COL5A1: variants seen among roughly 807,000 people sequenced by gnomAD.
The protein encoded by COL5A1 is collagen alpha-1(V) chain.
In COL5A1, 16 loss-of-function variants were observed where a neutral mutation model predicts 263.7. That is an observed-to-expected ratio of 0.06 (90% confidence interval 0.04 to 0.09). COL5A1 has a LOEUF of 0.09. Ranked by LOEUF, COL5A1 falls within the 10% of genes least tolerant of loss-of-function variation. COL5A1 has a pLI of 1.00. For missense variants in COL5A1, 2,036 were observed against 2,540.5 expected (o/e 0.80, Z 4.27); for synonymous variants, 1,012 against 1,004.5 (o/e 1.01, Z -0.14).
chr9:134,703,504 T>C (rs1004902446), intron 4 of COL5A1, among the ~76,000 whole-genome samples: 1 of 152,134 alleles, frequency 6.6e-6, no homozygotes. Flanking sequence ...TAAGGCTACC[T>C]GCACAGCTGC....
chr9:134,658,689 C>G (rs574664636), intron 1 of COL5A1, among the ~76,000 whole-genome samples: 3 of 151,966 alleles, frequency 2.0e-5, no homozygotes, highest in Admixed American at 6.5e-5. Flanking sequence ...GTACCCTGCC[C>G]GGCTTCTGTC....
At chr9:134,824,950 GGAA>G (rs1564487470) in intron 62 of COL5A1, 95 bp downstream of exon 62, 65 of 1,476,912 alleles carry the variant, frequency 4.4e-5, no homozygotes, top group Non-Finnish European at 5.8e-5. Context: ...CAGGCACAGC[GGAA>G]GGGACAGGAC....
chr9:134,736,528 G>A (rs779202233), intron 9 of COL5A1, among the ~76,000 whole-genome samples: 12 of 152,170 alleles, frequency 7.9e-5, no homozygotes, highest in Admixed American at 2.6e-4. Flanking sequence ...CTCTCAACAC[G>A]GTTGCATTGA....
intron 4 of COL5A1, among the ~76,000 whole-genome samples, chr9:134,720,146 C>T (rs975561751): frequency 2.0e-5 from 3 of 152,186 alleles, no homozygotes; most frequent in Non-Finnish European, 4.4e-5. Flanking sequence ...GACCTACAGC[C>T]GGCCTCTTAG....
At chr9:134,760,055 C>G (rs1303597342) in intron 18 of COL5A1, among the ~76,000 whole-genome samples, 1 of 137,584 alleles carries the variant, frequency 7.3e-6, no homozygotes, top group South Asian at 2.5e-4. Flanking sequence ...CACACCCACA[C>G]ACCCCCACAC....
In COL5A1 at chr9:134,818,582, C is replaced by T. The variant is rs868768829; in HGVS notation, c.4231-74C>T. The T allele has an allele frequency of 1.8e-5, 21 of 1,144,620 alleles. No homozygotes were observed. The highest frequency in any genetic ancestry group is 6.5e-5 in the South Asian group (5 of 76,340). 70.9% of individuals were successfully genotyped at this position (1,144,620 alleles called of 1,614,324 possible). ...CTCCTCCAGAGGTGCCCAGGGTTTC[C>T]GAGCAGTGGTCCTGGGCCAGGGTGC... On this transcript the variant is annotated intron_variant, in intron 54 of 65. Transcript: ENST00000371817. This position sits in a 1 kb window ranked among gnomAD's most constrained non-coding sequence, Gnocchi z 6.0.
In COL5A1 at chr9:134,739,599, G is replaced by A. The variant is rs114987460; in HGVS notation, c.1494+791G>A. ...TGAGAAGGTGGTTCGTGATGTCAGAGCGCAGTGGCTAGGGATGCTTCCCAG... is the reference window on the plus strand; with the variant it reads ...TGAGAAGGTGGTTCGTGATGTCAGAACGCAGTGGCTAGGGATGCTTCCCAG... On this transcript the variant is annotated intron_variant, in intron 11 of 65. Coordinates refer to ENST00000371817, the MANE Select transcript of COL5A1 (RefSeq NM_000093.5). Among the ~76,000 whole-genome samples, 761 of 152,344 alleles carry A rather than the reference G, an allele frequency of 5.0e-3. 4 individuals are homozygous for A. Among genetic ancestry groups the A allele is most frequent in the African/African-American group, 0.017 (695 of 41,586 alleles).
rs542725585 is a variant in COL5A1, at chr9:134,835,483, G to T, written c.5370+279G>T. 4.8e-3 allele frequency among the ~76,000 whole-genome samples: 727 copies of T among 152,358 alleles called. 6 individuals carry two copies. Among genetic ancestry groups the T allele is most frequent in the Non-Finnish European group, 8.0e-3 (547 of 68,032 alleles). On this transcript the variant is annotated intron_variant, in intron 65 of 65. Coordinates refer to ENST00000371817, the MANE Select transcript of COL5A1 (RefSeq NM_000093.5). ...GGGCGTGGGTCCCTCGCCCCATCCA[G>T]GGCTGTGGCGTGGAGTGAGGAATGG...
chr9:134,828,868 ACAC>A (rs1588606164), intron 63 of COL5A1, among the ~76,000 whole-genome samples: 1 of 149,972 alleles, frequency 6.7e-6, no homozygotes, highest in Admixed American at 6.6e-5. Context: ...CACACACACC[ACAC>A]ATCACACACA....
At chr9:134,671,413 A>G (rs554596598) in intron 1 of COL5A1, among the ~76,000 whole-genome samples, 118 of 152,316 alleles carry the variant, frequency 7.7e-4, no homozygotes, top group African/African-American at 2.7e-3. Context: ...TTTTGAGTCC[A>G]TTTCTAGTGT....
At position 134,757,117 on chromosome 9, in the gene COL5A1, G is replaced by A. The variant is rs1045309490; in HGVS notation, c.1881+299G>A. ...CCGTGCAGGTGACGAGGCGCATGTA[G>A]GGCAGAGGCGGGGCATATGGCAAGT... On this transcript the variant is annotated intron_variant, in intron 17 of 65. Transcript: ENST00000371817. The surrounding 1 kb of genome is among the most constrained non-coding windows in gnomAD (Gnocchi z 6.2). Among the ~76,000 whole-genome samples, 4 of 152,164 alleles carry A rather than the reference G, an allele frequency of 2.6e-5. No individual in the cohort carries two copies. The highest frequency in any genetic ancestry group is 9.7e-5 in the African/African-American group (4 of 41,426).
intron 1 of COL5A1, among the ~76,000 whole-genome samples, chr9:134,648,192 G>A (rs1040926928): frequency 6.6e-6 from 1 of 151,766 alleles, no homozygotes; most frequent in South Asian, 2.1e-4. Context: ...AGTTCTTCAG[G>A]TTTGGGACTC....
chr9:134,653,240 G>A (rs1309800495), intron 1 of COL5A1: 2 of 153,352 alleles, frequency 1.3e-5, no homozygotes, highest in Admixed American at 6.5e-5. Flanking sequence ...AGGGAGCAGG[G>A]AGACCCTGGG....
intron 11 of COL5A1, 108 bp downstream of exon 11, chr9:134,738,916 G>A (rs1026094713): frequency 1.1e-6 from 1 of 902,480 alleles, no homozygotes; most frequent in Non-Finnish European, 1.8e-6. Flanking sequence ...TGACCCAGAG[G>A]CTTGTGTCTT....
chr9:134,760,309 TACAC>T (rs1475591541), intron 18 of COL5A1, among the ~76,000 whole-genome samples: 1 of 30,820 alleles, frequency 3.2e-5, no homozygotes, highest in Non-Finnish European at 5.3e-5. Context: ...CCCCCACACA[TACAC>T]ACATGCACAC....
At chr9:134,707,903 C>T (rs557291958) in intron 4 of COL5A1, among the ~76,000 whole-genome samples, 16 of 152,268 alleles carry the variant, frequency 1.1e-4, no homozygotes, top group Middle Eastern at 3.4e-3. Context: ...CACAGGCGGG[C>T]GAGACTGGGT....
In COL5A1 at chr9:134,782,378, C is replaced by G. The variant is rs62574086; in HGVS notation, c.2431-289C>G. ...GAAATGATACCGGGAGCTCAGGGGC[C>G]TGGGCTTGCTGAGGCCTCGCCATGC... On this transcript the variant is annotated intron_variant, in intron 28 of 65. Coordinates refer to ENST00000371817, the MANE Select transcript of COL5A1 (RefSeq NM_000093.5). Among the ~76,000 whole-genome samples the G allele has an allele frequency of 0.02, 3,038 of 152,342 alleles. 33 individuals carry two copies. The highest frequency in any genetic ancestry group is 0.035 in the East Asian group (182 of 5,174).
chr9:134,735,803 T>C (rs772499594), intron 9 of COL5A1, among the ~76,000 whole-genome samples: 3 of 152,236 alleles, frequency 2.0e-5, no homozygotes, highest in Admixed American at 6.5e-5. Context: ...ATGAGCTCTC[T>C]GTGTACAGCA....
intron 11 of COL5A1, among the ~76,000 whole-genome samples, chr9:134,745,227 G>A (rs186712585): frequency 2.0e-5 from 3 of 152,290 alleles, no homozygotes; most frequent in African/African-American, 7.2e-5. Flanking sequence ...TTCATTGGAG[G>A]GTATACATTA....
Sources: gnomAD v4.1 joint callset for allele counts (sites outside exome capture counted in the v4.1 genomes callset) on GRCh38, gnomAD v4.1.1 for gene constraint, Gnocchi (gnomAD v3.1) non-coding constraint, MANE v1.5 for transcripts, NCBI Gene and HGNC (gene_info 2026-07-23, HGNC 2026-07-21) for gene names.